ABCG2: variants seen among roughly 807,000 people sequenced by gnomAD.
The protein encoded by ABCG2 is broad substrate specificity ATP-binding cassette transporter ABCG2.
In ABCG2, 80 loss-of-function variants were observed where a neutral mutation model predicts 73.5. The observed-to-expected ratio is 1.09, with a 90% CI of 0.91 to 1.31. The LOEUF (loss-of-function observed/expected upper bound fraction) is 1.31. Ranked by LOEUF, ABCG2 falls within the 50% of genes most tolerant of loss-of-function variation. The pLI, the probability that ABCG2 is intolerant of heterozygous loss-of-function variation, is 0.00. For missense variants in ABCG2, 796 were observed against 786.2 expected (o/e 1.01, Z -0.15); for synonymous variants, 269 against 282.4 (o/e 0.95, Z 0.48).
intron 2 of ABCG2, among the ~76,000 whole-genome samples, chr4:88,134,772 T>C (rs886511940): frequency 2.0e-5 from 3 of 152,192 alleles, no homozygotes; most frequent in African/African-American, 7.2e-5. Flanking sequence ...AACAACAATG[T>C]CCAGTCATAA....
At chr4:88,179,312 T>G (rs529863714) in intron 1 of ABCG2, among the ~76,000 whole-genome samples, 1 of 152,324 alleles carries the variant, frequency 6.6e-6, no homozygotes, top group South Asian at 2.1e-4. Flanking sequence ...ATTTTACCTC[T>G]GTGAGTCTGC....
At chr4:88,136,602 A>G (rs1725259361) in intron 2 of ABCG2, among the ~76,000 whole-genome samples, 1 of 152,216 alleles carries the variant, frequency 6.6e-6, no homozygotes, top group South Asian at 2.1e-4. Context: ...GCTACTCAGG[A>G]GGCTGAGGTG....
At chr4:88,192,489 G>A (rs1728728704) in intron 1 of ABCG2, among the ~76,000 whole-genome samples, 1 of 151,744 alleles carries the variant, frequency 6.6e-6, no homozygotes, top group Admixed American at 6.6e-5. Flanking sequence ...GCGCAATCTC[G>A]GCTCACTACA....
At chr4:88,223,825 T>C (rs994781420) in intron 1 of ABCG2, 1 of 152,510 alleles carries the variant, frequency 6.6e-6, no homozygotes, top group Non-Finnish European at 1.5e-5. Flanking sequence ...GGAGATTTTT[T>C]TGTAGGAGGT....
In ABCG2 at chr4:88,195,452, C is replaced by G. The variant is rs566081424; in HGVS notation, c.-20+35542G>C. On this transcript the variant is annotated intron_variant, in intron 1 of 15. Coordinates refer to the ABCG2 transcript ENST00000515655. ...CGGCTTGTTAGCAGCAGAAGGTATCCTAGTCACGTGGCACCAAAATATGTT... is the reference window on the plus strand; with the variant it reads ...CGGCTTGTTAGCAGCAGAAGGTATCGTAGTCACGTGGCACCAAAATATGTT... Among the ~76,000 whole-genome samples, 49 of 152,254 alleles carry G rather than the reference C, an allele frequency of 3.2e-4. No individual in the cohort carries two copies. In the South Asian group the frequency reaches 9.5e-3, roughly 30 times the overall value.
chr4:88,211,568 C>G (rs2110123616), intron 1 of ABCG2, among the ~76,000 whole-genome samples: 1 of 152,160 alleles, frequency 6.6e-6, no homozygotes, highest in Non-Finnish European at 1.5e-5. Flanking sequence ...CGGAGTACAC[C>G]ACCACACCTG....
At chr4:88,196,043 C>T (rs967140156) in intron 1 of ABCG2, among the ~76,000 whole-genome samples, 43 of 152,148 alleles carry the variant, frequency 2.8e-4, no homozygotes, top group African/African-American at 9.2e-4. Flanking sequence ...CTTTCCCTGG[C>T]GCCAGCTGCA....
In ABCG2 at chr4:88,101,217, A is replaced by T; in HGVS notation, c.1367+13T>A. On this transcript the variant is annotated intron_variant, in intron 11 of 15. Coordinates refer to ENST00000237612, the MANE Select transcript of ABCG2 (RefSeq NM_004827.3). ...GCTGGACAGCCCCGTTCCCAGAACAAAGACCTACTCACATGAAGAGCTTCT... is the reference window on the plus strand; with the variant it reads ...GCTGGACAGCCCCGTTCCCAGAACATAGACCTACTCACATGAAGAGCTTCT... 2 of 1,613,236 alleles carry T rather than the reference A, an allele frequency of 1.2e-6. No homozygotes were observed. Among genetic ancestry groups the T allele is most frequent in the Non-Finnish European group, 1.7e-6 (2 of 1,179,324 alleles).
At chr4:88,122,308 G>A (rs906810202) in intron 5 of ABCG2, among the ~76,000 whole-genome samples, 15 of 150,534 alleles carry the variant, frequency 1.0e-4, no homozygotes, top group East Asian at 1.9e-4. Flanking sequence ...GAATGCCAGC[G>A]CGACAAAACT....
intron 1 of ABCG2, among the ~76,000 whole-genome samples, chr4:88,164,481 C>T (rs1031115473): frequency 6.6e-5 from 10 of 152,120 alleles, no homozygotes; most frequent in African/African-American, 1.9e-4. Context: ...AGTTCTCACG[C>T]GCTCTGATGG....
At chr4:88,226,555 C>T (rs773510486) in intron 1 of ABCG2, among the ~76,000 whole-genome samples, 1 of 152,170 alleles carries the variant, frequency 6.6e-6, no homozygotes, top group Non-Finnish European at 1.5e-5. Context: ...CTCATTTAAT[C>T]CTCACAACTA....
upstream of ABCG2, chr4:88,158,800 C>T (rs547401672): frequency 5.9e-6 from 2 of 339,170 alleles, no homozygotes; most frequent in South Asian, 4.4e-5. Flanking sequence ...CGATGGGAGC[C>T]GGCGGGTGGC....
chr4:88,156,205 C>A (rs1442872105), intron 1 of ABCG2, among the ~76,000 whole-genome samples: 1 of 151,658 alleles, frequency 6.6e-6, no homozygotes, highest in East Asian at 1.9e-4. Flanking sequence ...AAAACCCCGT[C>A]TCTACTAAAA....
chr4:88,224,070 G>A (rs1210058169), intron 1 of ABCG2, among the ~76,000 whole-genome samples: 1 of 152,066 alleles, frequency 6.6e-6, no homozygotes, highest in Non-Finnish European at 1.5e-5. Flanking sequence ...TTGTTAAGCT[G>A]TAGGAGTTCT....
chr4:88,119,805 C>T (rs774296290), intron 6 of ABCG2, among the ~76,000 whole-genome samples: 3 of 152,030 alleles, frequency 2.0e-5, no homozygotes, highest in Non-Finnish European at 4.4e-5. Context: ...GAAATTGGAA[C>T]TTATGTTTAA....
intron 1 of ABCG2, among the ~76,000 whole-genome samples, chr4:88,194,590 G>C (rs886121017): frequency 4.5e-5 from 6 of 132,892 alleles, no homozygotes; most frequent in Admixed American, 3.9e-4. Flanking sequence ...AAAAAGTGTG[G>C]GTGCTTGAAA....
At chr4:88,132,057 G>T in intron 3 of ABCG2, 140 bp from the exon 4 acceptor site, 2 of 587,850 alleles carry the variant, frequency 3.4e-6, no homozygotes, top group Non-Finnish European at 3.0e-6. Context: ...AAAATTAACT[G>T]GTCAAGAAAT....
intron 9 of ABCG2, among the ~76,000 whole-genome samples, chr4:88,109,166 T>G (rs915084061): frequency 2.0e-5 from 3 of 151,874 alleles, no homozygotes; most frequent in African/African-American, 7.3e-5. Context: ...GCCCAGCTAA[T>G]TTTTTGTACT....
chr4:88,207,169 C>T (rs1209312419), intron 1 of ABCG2, among the ~76,000 whole-genome samples: 4 of 152,152 alleles, frequency 2.6e-5, no homozygotes, highest in Admixed American at 2.0e-4. Flanking sequence ...CTTCATAATC[C>T]AATGGAGAAA....
Sources: gnomAD v4.1 joint callset for allele counts (sites outside exome capture counted in the v4.1 genomes callset) on GRCh38, gnomAD v4.1.1 for gene constraint, MANE v1.5 for transcripts, NCBI Gene and HGNC (gene_info 2026-07-23, HGNC 2026-07-21) for gene names.